TENM2: variants seen among roughly 807,000 people sequenced by gnomAD.
TENM2 encodes the protein teneurin-2.
In TENM2, 52 loss-of-function variants were observed where a neutral mutation model predicts 245.2. The ratio of observed to expected loss-of-function variants is 0.21; its 90% CI spans 0.17 to 0.27. The LOEUF is 0.27. TENM2 is among the 10% of genes least tolerant of loss of function. The pLI is 1.00. For missense variants in TENM2, 3,046 were observed against 3,666.8 expected (o/e 0.83, Z 4.37); for synonymous variants, 1,363 against 1,438.9 (o/e 0.95, Z 1.19).
At chr5:167,386,258 G>A (rs1761426387) in intron 2 of TENM2, among the ~76,000 whole-genome samples, 1 of 152,110 alleles carries the variant, frequency 6.6e-6, no homozygotes, top group African/African-American at 2.4e-5. Context: ...GCATTTCCCT[G>A]ATCATTAGTG....
chr5:167,770,278 AT>A (rs1447194753), intron 2 of TENM2, among the ~76,000 whole-genome samples: 36 of 152,294 alleles, frequency 2.4e-4, no homozygotes, highest in Middle Eastern at 3.4e-3. Context: ...AAGAATGAGT[AT>A]TCCAGACAAG....
intron 19 of TENM2, 113 bp from the exon 22 acceptor site, chr5:168,211,621 A>T: frequency 1.5e-6 from 1 of 657,304 alleles, no homozygotes; most frequent in East Asian, 3.0e-5. Context: ...AAAGAAAAAG[A>T]CTGCCTTTTT....
chr5:167,763,678 T>G (rs1223218207), intron 2 of TENM2, among the ~76,000 whole-genome samples: 1 of 152,168 alleles, frequency 6.6e-6, no homozygotes, highest in African/African-American at 2.4e-5. Flanking sequence ...CTTGAATAAA[T>G]GATAAATGGC....
At chr5:167,946,533 A>G (rs752766305) in intron 3 of TENM2, among the ~76,000 whole-genome samples, 18 of 152,258 alleles carry the variant, frequency 1.2e-4, no homozygotes, top group Admixed American at 2.6e-4. Flanking sequence ...TTCTCACAAG[A>G]TTGGATTCTG....
chr5:167,859,623 G>T (rs1402226464), intron 2 of TENM2, among the ~76,000 whole-genome samples: 1 of 103,592 alleles, frequency 9.7e-6, no homozygotes, highest in African/African-American at 4.4e-5. Flanking sequence ...TCAGCCCTCC[G>T]CCCGGCCAGC....
chr5:167,401,582 C>T (rs576105531), intron 2 of TENM2, among the ~76,000 whole-genome samples: 6 of 152,190 alleles, frequency 3.9e-5, no homozygotes, highest in South Asian at 2.1e-4. Context: ...AAGCTTAAAC[C>T]GTGAATTTTA....
intron 2 of TENM2, among the ~76,000 whole-genome samples, chr5:167,465,694 G>T (rs1011171098): frequency 2.6e-5 from 4 of 152,308 alleles, no homozygotes; most frequent in African/African-American, 7.2e-5. Context: ...AGCCGGGCTT[G>T]GTGGCGGGCG....
intron 1 of TENM2, among the ~76,000 whole-genome samples, chr5:167,289,863 T>G (rs1380528660): frequency 6.6e-6 from 1 of 152,230 alleles, no homozygotes; most frequent in African/African-American, 2.4e-5. Flanking sequence ...ATTTTTCCAC[T>G]ATACCTAAAT....
chr5:168,254,569 A>C (rs987059996), intron 27 of TENM2, among the ~76,000 whole-genome samples: 1 of 152,088 alleles, frequency 6.6e-6, no homozygotes, highest in Non-Finnish European at 1.5e-5. Context: ...AGGAAGAAGA[A>C]GAGAAAGAAG....
chr5:167,690,287 A>AT (rs950708528), intron 2 of TENM2, among the ~76,000 whole-genome samples: 77 of 150,588 alleles, frequency 5.1e-4, no homozygotes, highest in African/African-American at 1.6e-3. Flanking sequence ...ACTTTTATGT[A>AT]TTTTTTTTTA....
chr5:167,962,902 C>T (rs1050570834), intron 4 of TENM2, among the ~76,000 whole-genome samples: 9 of 152,044 alleles, frequency 5.9e-5, no homozygotes, highest in Non-Finnish European at 8.8e-5. Context: ...ACAACCAAAC[C>T]GCATTGTTAT....
chr5:167,068,271 A>G, the TENM2 span, among the ~76,000 whole-genome samples: 1 of 152,188 alleles, frequency 6.6e-6, no homozygotes, highest in African/African-American at 2.4e-5. Flanking sequence ...GTCCTTAAAC[A>G]GCATTAGTGC....
chr5:167,066,846 C>A, the TENM2 span, among the ~76,000 whole-genome samples: 1 of 152,072 alleles, frequency 6.6e-6, no homozygotes, highest in Admixed American at 6.6e-5. Flanking sequence ...ACTAATCTTT[C>A]TTCAAAAATG....
intron 2 of TENM2, among the ~76,000 whole-genome samples, chr5:167,536,081 G>A (rs1771820909): frequency 6.6e-6 from 1 of 152,130 alleles, no homozygotes; most frequent in Admixed American, 6.5e-5. Context: ...TGCAGAGTGT[G>A]AATCCTGGCA....
intron 2 of TENM2, among the ~76,000 whole-genome samples, chr5:167,625,099 C>A: frequency 6.6e-6 from 1 of 152,102 alleles, no homozygotes; most frequent in East Asian, 1.9e-4. Context: ...AGAGCTGTCA[C>A]TTCACCTTTT....
At chr5:168,118,997 C>T (rs973141974) in intron 10 of TENM2, among the ~76,000 whole-genome samples, 2 of 152,204 alleles carry the variant, frequency 1.3e-5, no homozygotes, top group Non-Finnish European at 2.9e-5. Context: ...TTGTTACTAA[C>T]TCTTCCTGGT....
At chr5:167,614,027 T>G (rs1481746329) in intron 2 of TENM2, among the ~76,000 whole-genome samples, 1 of 152,146 alleles carries the variant, frequency 6.6e-6, no homozygotes, top group African/African-American at 2.4e-5. Context: ...TTAGGAATCT[T>G]TAGAAATCAT....
At chr5:167,445,015 G>A (rs1322460332) in intron 2 of TENM2, among the ~76,000 whole-genome samples, 1 of 151,966 alleles carries the variant, frequency 6.6e-6, no homozygotes, top group Non-Finnish European at 1.5e-5. Flanking sequence ...GTTGATTTGA[G>A]CATTAAGAGT....
chr5:167,708,968 T>C (rs2150475489), intron 2 of TENM2, among the ~76,000 whole-genome samples: 1 of 152,294 alleles, frequency 6.6e-6, no homozygotes, highest in East Asian at 1.9e-4. Flanking sequence ...TTTTATGAAA[T>C]GGGCGAGTCT....
Sources: allele counts gnomAD v4.1 joint callset (sites outside exome capture counted in the v4.1 genomes callset), GRCh38; gene constraint gnomAD v4.1.1; transcripts MANE v1.5; gene names NCBI Gene and HGNC (gene_info 2026-07-23, HGNC 2026-07-21).